Variants in COL14A1 observed in about 807,000 individuals in gnomAD.
COL14A1 encodes collagen alpha-1(XIV) chain.
Under a neutral mutation model 230.3 loss-of-function variants are expected in COL14A1, and 136 were observed. The observed-to-expected ratio is 0.59, with a 90% CI of 0.51 to 0.68. COL14A1 has a LOEUF of 0.68. Among genes scored for constraint, COL14A1 ranks in the 30% least tolerant of loss-of-function variants. The probability of loss-of-function intolerance (pLI) is 0.00; values close to 1 mark genes in which losing one functional copy is unlikely to be tolerated. For synonymous variants in COL14A1, 792 were observed against 784.1 expected (o/e 1.01, Z -0.17); for missense variants, 1,976 against 2,215.8 (o/e 0.89, Z 2.17).
At chr8:120,346,602 C>G (rs1233155027) in intron 45 of COL14A1, among the ~76,000 whole-genome samples, 1 of 152,200 alleles carries the variant, frequency 6.6e-6, no homozygotes, top group Non-Finnish European at 1.5e-5. Context: ...TGCCTCTGCA[C>G]TTTTGTACAC....
At position 120,292,664 on chromosome 8, in the gene COL14A1, A is replaced by G. The variant is rs143478491; in HGVS notation, c.4236+2898A>G. 9.5e-3 allele frequency among the ~76,000 whole-genome samples: 1,440 copies of G among 152,208 alleles called. 29 individuals carry two copies. The highest frequency in any genetic ancestry group is 8.8e-3 in the Non-Finnish European group (598 of 67,932). On this transcript the variant is annotated intron_variant, in intron 34 of 47. Coordinates refer to ENST00000297848, the MANE Select transcript of COL14A1 (RefSeq NM_021110.4). ...ATACATTTGTACTCTAATATCCAGC[A>G]AAAGGGAATGTATGTTGTGCAAATT...
At position 120,146,993 on chromosome 8, in the gene COL14A1, G is replaced by A. The variant is rs988311780; in HGVS notation, c.-37-813G>A. Reference sequence around the variant, plus strand: ...TTTAAATTAATACAGAACATTCATTGTTTTTTCCCCTCCAATTCTGCCTCT... The same window carrying A: ...TTTAAATTAATACAGAACATTCATTATTTTTTCCCCTCCAATTCTGCCTCT... On this transcript the variant is annotated intron_variant, in intron 1 of 47. Coordinates refer to ENST00000297848, the MANE Select transcript of COL14A1 (RefSeq NM_021110.4). 2.0e-4 allele frequency among the ~76,000 whole-genome samples: 30 copies of A among 151,988 alleles called. 1 individual carries two copies. The South Asian group carries it at 2.7e-3, about 14-fold the overall frequency.
At chr8:120,303,524 G>A (rs562438480) in intron 36 of COL14A1, among the ~76,000 whole-genome samples, 46 of 152,010 alleles carry the variant, frequency 3.0e-4, no homozygotes, top group South Asian at 8.3e-4. Flanking sequence ...GGTTCTGTTC[G>A]TGATGAATCA....
At chr8:120,257,713 A>G (rs1336510267) in intron 23 of COL14A1, among the ~76,000 whole-genome samples, 1 of 152,146 alleles carries the variant, frequency 6.6e-6, no homozygotes, top group Non-Finnish European at 1.5e-5. Context: ...CAGAAATTTC[A>G]GTCTTTCCAC....
chr8:120,155,465 A>G (rs1321765506), intron 2 of COL14A1, among the ~76,000 whole-genome samples: 1 of 152,174 alleles, frequency 6.6e-6, no homozygotes, highest in Non-Finnish European at 1.5e-5. Flanking sequence ...GATGACATTT[A>G]AAGAATAGTA....
At position 120,316,076 on chromosome 8, in the gene COL14A1, A is replaced by G. The variant is rs1586857301; in HGVS notation, c.4659+79A>G. On this transcript the variant is annotated intron_variant, in intron 40 of 47. Coordinates refer to ENST00000297848, the MANE Select transcript of COL14A1 (RefSeq NM_021110.4). ...TCACTCTTATTGCTGACAGGCTTCT[A>G]TGTAAGGGAGTCAAGCCAGTTTTTG... The G allele has an allele frequency of 1.2e-5, 18 of 1,443,984 alleles. No individual in the cohort carries two copies. In the East Asian group the frequency reaches 3.9e-4, roughly 31 times the overall value. The allele number at this position is 1,443,984 out of a possible 1,614,324, so 89.4% of individuals were successfully genotyped here. A position where few individuals can be genotyped will look rare whatever the true frequency, so the allele number is the denominator to read the frequency against.
intron 19 of COL14A1, among the ~76,000 whole-genome samples, chr8:120,241,952 T>C (rs1327128895): frequency 6.6e-6 from 1 of 152,126 alleles, no homozygotes; most frequent in East Asian, 1.9e-4. Context: ...TGCTCCAAAA[T>C]CCAAAACGTT....
intron 1 of COL14A1, among the ~76,000 whole-genome samples, chr8:120,136,385 CAT>C (rs35121765): frequency 6.7e-6 from 1 of 149,280 alleles, no homozygotes; most frequent in Non-Finnish European, 1.5e-5. Flanking sequence ...ACACACACTA[CAT>C]ATATATATAT....
chr8:120,274,890 A>T (rs547451478), intron 26 of COL14A1, among the ~76,000 whole-genome samples: 23 of 152,062 alleles, frequency 1.5e-4, no homozygotes, highest in Admixed American at 1.4e-3. Context: ...ATGGATTGAA[A>T]TAATTCTTAT....
intron 11 of COL14A1, among the ~76,000 whole-genome samples, chr8:120,209,232 T>G (rs1817543090): frequency 6.6e-6 from 1 of 152,060 alleles, no homozygotes; most frequent in Non-Finnish European, 1.5e-5. Context: ...TAGCTGAGCA[T>G]GGTGGCACGC....
At chr8:120,164,098 A>C (rs1586729487) in intron 4 of COL14A1, among the ~76,000 whole-genome samples, 1 of 152,210 alleles carries the variant, frequency 6.6e-6, no homozygotes, top group East Asian at 1.9e-4. Flanking sequence ...CTCTTTTAAA[A>C]AACCCAATTT....
intron 45 of COL14A1, among the ~76,000 whole-genome samples, chr8:120,350,883 G>T (rs891333705): frequency 4.6e-5 from 7 of 151,088 alleles, no homozygotes; most frequent in Non-Finnish European, 1.0e-4. Flanking sequence ...TGCACCAAGC[G>T]GACCTAATAG....
chr8:120,313,419 T>A (rs888954906), intron 37 of COL14A1, among the ~76,000 whole-genome samples: 1 of 152,040 alleles, frequency 6.6e-6, no homozygotes, highest in African/African-American at 2.4e-5. Flanking sequence ...GGTCATTCAG[T>A]GGACATTGAA....
At chr8:120,266,975 AG>A in intron 25 of COL14A1, 92 bp downstream of exon 25, 1 of 1,135,142 alleles carries the variant, frequency 8.8e-7, no homozygotes, top group Non-Finnish European at 1.3e-6. Context: ...ATATTAATAA[AG>A]TATATTTATT....
rs373789658 is a variant in COL14A1, at chr8:120,297,532, A to G, written c.4258A>G (p.Ile1420Val). ...ATAGTTCCAGTTACAGATGTTTGATATTGTTTGCTCCACATCATGGGCCAA... is the reference window on the plus strand; with the variant it reads ...ATAGTTCCAGTTACAGATGTTTGATGTTGTTTGCTCCACATCATGGGCCAA... ...SAPFQLQMFD[I>V]VCSTSWANTD... is the part of the protein sequence containing the mutation. Residue 1420 changes from isoleucine to valine, a missense_variant, in exon 35 of 48, where the codon ATT becomes GTT. By Grantham distance (29) the Ile-to-Val change is conservative. This residue lies in a region of COL14A1 where 1,791 missense variants were observed against 2,019.5 expected (regional missense o/e 0.89). Coordinates refer to ENST00000297848, the MANE Select transcript of COL14A1 (RefSeq NM_021110.4). The G allele has an allele frequency of 6.2e-6, 9 of 1,463,250 alleles. No homozygotes were observed. Among genetic ancestry groups the G allele is most frequent in the Admixed American group, 2.4e-5 (1 of 41,804 alleles). The allele number at this position is 1,463,250 out of a possible 1,614,324, so 90.6% of individuals were successfully genotyped here. A position where few individuals can be genotyped will look rare whatever the true frequency, so the allele number is the denominator to read the frequency against.
intron 38 of COL14A1, among the ~76,000 whole-genome samples, chr8:120,315,310 C>T (rs762235255): frequency 9.8e-5 from 14 of 142,992 alleles, no homozygotes; most frequent in Non-Finnish European, 2.1e-4. Context: ...GCAGAGGTTG[C>T]AGTGAGCCAA....
chr8:120,130,566 T>A (rs1047894687), intron 1 of COL14A1, among the ~76,000 whole-genome samples: 1 of 152,096 alleles, frequency 6.6e-6, no homozygotes, highest in African/African-American at 2.4e-5. Flanking sequence ...CAGCTTTTTG[T>A]CTTTTAAAAA....
chr8:120,131,665 A>G (rs1200617841), intron 1 of COL14A1, among the ~76,000 whole-genome samples: 2 of 151,630 alleles, frequency 1.3e-5, no homozygotes, highest in Non-Finnish European at 2.9e-5. Flanking sequence ...TAGATTGTCT[A>G]TTTACTCTCT....
At chr8:120,208,464 A>G in intron 11 of COL14A1, 103 bp downstream of exon 11, 3 of 1,227,514 alleles carry the variant, frequency 2.4e-6, no homozygotes, top group Middle Eastern at 2.1e-4. Flanking sequence ...GACATCCTGA[A>G]TCGAATTCAA....
Sources: allele counts gnomAD v4.1 joint callset (sites outside exome capture counted in the v4.1 genomes callset), GRCh38; gene constraint gnomAD v4.1.1; regional missense constraint gnomAD v4.1.1; transcripts MANE v1.5; gene names NCBI Gene and HGNC (gene_info 2026-07-23, HGNC 2026-07-21).